ACAP2: variants seen among roughly 807,000 people sequenced by gnomAD.
ACAP2 encodes arf-GAP with coiled-coil, ANK repeat and PH domain-containing protein 2.
A neutral mutation model predicts 115.8 loss-of-function variants in ACAP2; 39 were observed. That is an observed-to-expected ratio of 0.34 (90% confidence interval 0.26 to 0.44). The LOEUF is 0.44. Among genes scored for constraint, ACAP2 ranks in the 20% least tolerant of loss-of-function variants. The probability of loss-of-function intolerance (pLI) is 1.00; values close to 1 mark genes in which losing one functional copy is unlikely to be tolerated. For missense variants in ACAP2, 662 were observed against 927.6 expected (o/e 0.71, Z 3.72); for synonymous variants, 289 against 315.8 (o/e 0.92, Z 0.90).
chr3:195,328,846 G>A (rs1003580410), intron 8 of ACAP2, among the ~76,000 whole-genome samples: 4 of 152,188 alleles, frequency 2.6e-5, no homozygotes, highest in Admixed American at 6.5e-5. Flanking sequence ...TTGGGAGGCC[G>A]AGATGGGCGA....
At chr3:195,421,667 G>A (rs916809997) in intron 1 of ACAP2, among the ~76,000 whole-genome samples, 1 of 152,228 alleles carries the variant, frequency 6.6e-6, no homozygotes, top group Admixed American at 6.5e-5. Flanking sequence ...CTGTACAATT[G>A]TGAGTGGTGG....
intron 4 of ACAP2, among the ~76,000 whole-genome samples, chr3:195,367,117 G>A (rs1732781952): frequency 6.7e-6 from 1 of 149,766 alleles, no homozygotes; most frequent in Admixed American, 6.6e-5. Flanking sequence ...TTGCCAAACT[G>A]TGCTCTCAAA....
chr3:195,290,481 C>T (rs1727166638), intron 20 of ACAP2, among the ~76,000 whole-genome samples: 1 of 152,102 alleles, frequency 6.6e-6, no homozygotes, highest in Non-Finnish European at 1.5e-5. Flanking sequence ...CTGACTGAAT[C>T]TCTTTGCTGA....
At chr3:195,325,840 C>T (rs1044344010) in intron 9 of ACAP2, among the ~76,000 whole-genome samples, 3 of 152,032 alleles carry the variant, frequency 2.0e-5, no homozygotes, top group African/African-American at 7.2e-5. Context: ...TTTTATCTGT[C>T]AACTTAAAAT....
At chr3:195,301,880 GA>G in intron 14 of ACAP2, 85 bp downstream of exon 14, 2 of 1,456,616 alleles carry the variant, frequency 1.4e-6, no homozygotes, top group Admixed American at 2.0e-5. Context: ...TAGGGAAGTG[GA>G]AAAGGGCAAC....
chr3:195,416,509 A>T (rs1291861803), intron 1 of ACAP2, among the ~76,000 whole-genome samples: 1 of 152,178 alleles, frequency 6.6e-6, no homozygotes, highest in African/African-American at 2.4e-5. Flanking sequence ...AGCTTGTAGG[A>T]GTGTATACTG....
At chr3:195,285,206 T>A (rs904421161) in intron 22 of ACAP2, 1 of 152,268 alleles carries the variant, frequency 6.6e-6, no homozygotes, top group African/African-American at 2.4e-5. Flanking sequence ...CATGGACTTC[T>A]CCACCTGGTG....
At chr3:195,336,206 C>T (rs1730498810) in intron 7 of ACAP2, 1 of 149,718 alleles carries the variant, frequency 6.7e-6, no homozygotes, top group South Asian at 2.1e-4. Context: ...ACCCGGCCTT[C>T]GTTAGCTTTA....
chr3:195,329,163 A>G (rs996390955), intron 8 of ACAP2, among the ~76,000 whole-genome samples: 3 of 152,064 alleles, frequency 2.0e-5, no homozygotes, highest in Non-Finnish European at 4.4e-5. Context: ...TCCCTCTCTG[A>G]TGGGGAAAAA....
intron 10 of ACAP2, among the ~76,000 whole-genome samples, chr3:195,317,063 A>C (rs1216757118): frequency 6.6e-6 from 1 of 151,608 alleles, no homozygotes; most frequent in Non-Finnish European, 1.5e-5. Flanking sequence ...ACGCCAGGCT[A>C]ATTTTTGTAT....
intron 6 of ACAP2, among the ~76,000 whole-genome samples, chr3:195,340,998 C>A (rs1730828695): frequency 6.6e-6 from 1 of 152,086 alleles, no homozygotes. Flanking sequence ...TCACTAATTT[C>A]TATTTGGTTA....
chr3:195,283,102 C>T (rs1227903161), intron 22 of ACAP2, among the ~76,000 whole-genome samples: 2 of 152,132 alleles, frequency 1.3e-5, no homozygotes, highest in African/African-American at 4.8e-5. Flanking sequence ...AGTAGCGGGT[C>T]CCTAAAGCAG....
intron 7 of ACAP2, among the ~76,000 whole-genome samples, chr3:195,335,501 G>A (rs944295865): frequency 1.3e-5 from 2 of 152,098 alleles, no homozygotes; most frequent in Admixed American, 1.3e-4. Context: ...CACACAGAAA[G>A]AGAGAAAAAG....
Position 195,361,960 on chromosome 3 carries a change from T to C in ACAP2, c.286-16643A>G, listed in dbSNP as rs573287030. On this transcript the variant is annotated intron_variant, in intron 4 of 22. Coordinates refer to ENST00000326793, the MANE Select transcript of ACAP2 (RefSeq NM_012287.6). Reference sequence around the variant, plus strand: ...CCTAGACACATACAGCCTACCAAGATTGAAGCACGAAGAAATCCAAAACCT... The same window carrying C: ...CCTAGACACATACAGCCTACCAAGACTGAAGCACGAAGAAATCCAAAACCT... 4.9e-4 allele frequency among the ~76,000 whole-genome samples: 74 copies of C among 152,154 alleles called. 1 individual carries two copies. The South Asian group carries it at 8.5e-3, about 17-fold the overall frequency.
At chr3:195,311,385 C>T (rs533429225) in intron 10 of ACAP2, among the ~76,000 whole-genome samples, 55 of 152,178 alleles carry the variant, frequency 3.6e-4, no homozygotes, top group African/African-American at 1.3e-3. Flanking sequence ...GCGTGAGCCA[C>T]CACGCCCGGC....
At chr3:195,345,723 T>C (rs1032576336) in intron 4 of ACAP2, among the ~76,000 whole-genome samples, 1 of 152,210 alleles carries the variant, frequency 6.6e-6, no homozygotes, top group African/African-American at 2.4e-5. Context: ...AAACGCCATA[T>C]ACCTTAGTTG....
At chr3:195,399,154 A>T (rs1354071808) in intron 1 of ACAP2, among the ~76,000 whole-genome samples, 1 of 152,188 alleles carries the variant, frequency 6.6e-6, no homozygotes, top group African/African-American at 2.4e-5. Flanking sequence ...AAAAGAGTTA[A>T]GGGAGGAAAA....
intron 4 of ACAP2, chr3:195,355,977 T>C (rs1731934386): frequency 2.7e-6 from 1 of 376,136 alleles, no homozygotes; most frequent in South Asian, 1.9e-5. Context: ...CCTCCACCGA[T>C]TGTCCTCCCT....
At chr3:195,411,311 C>T (rs150116597) in intron 1 of ACAP2, among the ~76,000 whole-genome samples, 13 of 152,170 alleles carry the variant, frequency 8.5e-5, no homozygotes, top group Admixed American at 2.0e-4. Flanking sequence ...AACTGAGTAC[C>T]GAAGAAATAT....
Sources: gnomAD v4.1 joint callset for allele counts (sites outside exome capture counted in the v4.1 genomes callset) on GRCh38, gnomAD v4.1.1 for gene constraint, MANE v1.5 for transcripts, NCBI Gene and HGNC (gene_info 2026-07-23, HGNC 2026-07-21) for gene names.